RIT2: variants seen among roughly 807,000 people sequenced by gnomAD.
RIT2 encodes the protein GTP-binding protein Rit2.
Under a neutral mutation model 23.7 loss-of-function variants are expected in RIT2, and 24 were observed. That is an observed-to-expected ratio of 1.01 (90% CI 0.73 to 1.43). The LOEUF is 1.43. Among genes scored for constraint, RIT2 ranks in the 40% most tolerant of loss-of-function variants. The probability of loss-of-function intolerance (pLI) is 0.00; values close to 1 mark genes in which losing one functional copy is unlikely to be tolerated. For missense variants in RIT2, 236 were observed against 266.9 expected, an observed-to-expected ratio of 0.88 and a Z score of 0.81; for synonymous variants, 107 against 91.1, an observed-to-expected ratio of 1.17 and a Z score of -0.99.
intron 1 of RIT2, among the ~76,000 whole-genome samples, chr18:43,106,872 T>C (rs1226269103): frequency 6.6e-6 from 1 of 152,162 alleles, no homozygotes; most frequent in Non-Finnish European, 1.5e-5. Flanking sequence ...TGCTGAGCAA[T>C]GAGAAGGACA....
At chr18:42,804,576 A>T (rs1303989537) in intron 4 of RIT2, among the ~76,000 whole-genome samples, 2 of 149,754 alleles carry the variant, frequency 1.3e-5, no homozygotes, top group Non-Finnish European at 2.9e-5. Flanking sequence ...AAAAAAAAAA[A>T]AAAAAAAAAA....
intron 2 of RIT2, among the ~76,000 whole-genome samples, chr18:43,023,323 G>T (rs1375220560): frequency 6.6e-6 from 1 of 152,004 alleles, no homozygotes; most frequent in Non-Finnish European, 1.5e-5. Context: ...ATATCTCATT[G>T]TAAGTTAATA....
chr18:42,795,334 C>A (rs1040778369), intron 4 of RIT2, among the ~76,000 whole-genome samples: 2 of 152,196 alleles, frequency 1.3e-5, no homozygotes, highest in Admixed American at 6.5e-5. Flanking sequence ...GAACAGACGG[C>A]CGACCCTGCC....
intron 4 of RIT2, among the ~76,000 whole-genome samples, chr18:42,749,395 A>G (rs1912993650): frequency 6.6e-6 from 1 of 151,808 alleles, no homozygotes; most frequent in African/African-American, 2.4e-5. Flanking sequence ...TAATGATCAA[A>G]ATATTAACCA....
chr18:42,891,327 C>T (rs988945799), intron 4 of RIT2, among the ~76,000 whole-genome samples: 2 of 152,180 alleles, frequency 1.3e-5, no homozygotes, highest in African/African-American at 2.4e-5. Context: ...AGCCTTCCAT[C>T]TCCATATTTA....
At chr18:42,989,169 T>C (rs577863525) in intron 2 of RIT2, among the ~76,000 whole-genome samples, 34 of 152,298 alleles carry the variant, frequency 2.2e-4, no homozygotes, top group African/African-American at 7.2e-4. Flanking sequence ...ACTTTCTCTA[T>C]AGAAGGAGGA....
At chr18:43,107,393 T>TG (rs1403544808) in intron 1 of RIT2, among the ~76,000 whole-genome samples, 1 of 152,160 alleles carries the variant, frequency 6.6e-6, no homozygotes, top group Non-Finnish European at 1.5e-5. Flanking sequence ...TGGTCATATC[T>TG]GTGGGCTTTT....
At chr18:42,968,145 T>A (rs916415517) in intron 3 of RIT2, among the ~76,000 whole-genome samples, 2 of 152,150 alleles carry the variant, frequency 1.3e-5, no homozygotes, top group African/African-American at 4.8e-5. Context: ...TATTTTCTCG[T>A]CTTGTTCAGA....
chr18:42,970,167 T>C (rs934022416), intron 3 of RIT2, among the ~76,000 whole-genome samples: 1 of 152,054 alleles, frequency 6.6e-6, no homozygotes, highest in African/African-American at 2.4e-5. Flanking sequence ...TTTCCACGTA[T>C]GTAATGAGTA....
At position 43,061,075 on chromosome 18, in the gene RIT2, A is replaced by T. The variant is rs187711477; in HGVS notation, c.104-27208T>A. On this transcript the variant is annotated intron_variant, in intron 1 of 4. Coordinates refer to ENST00000326695, the MANE Select transcript of RIT2 (RefSeq NM_002930.4). The stretch of plus-strand genomic sequence containing the variant: ...ATTATATATAAAGAAACTGAGTCTC[A>T]TATATACTGTAAGGTAAGTAGTACA... Among the ~76,000 whole-genome samples the T allele has an allele frequency of 3.5e-4, 53 of 152,278 alleles. No homozygotes were observed. In the Middle Eastern group the frequency reaches 0.014, roughly 39 times the overall value.
chr18:42,748,360 G>A (rs1912968275), intron 4 of RIT2, among the ~76,000 whole-genome samples: 1 of 152,014 alleles, frequency 6.6e-6, no homozygotes, highest in Non-Finnish European at 1.5e-5. Flanking sequence ...GTAATGATCA[G>A]GGAAATACAA....
chr18:42,797,392 A>G (rs1270046755), intron 4 of RIT2, among the ~76,000 whole-genome samples: 2 of 152,184 alleles, frequency 1.3e-5, no homozygotes, highest in African/African-American at 2.4e-5. Flanking sequence ...TCTGGGCTCT[A>G]CAGCCAAAAT....
intron 1 of RIT2, among the ~76,000 whole-genome samples, chr18:43,087,753 ATTTC>A (rs1309580406): frequency 6.6e-6 from 1 of 152,008 alleles, no homozygotes; most frequent in African/African-American, 2.4e-5. Flanking sequence ...ATTGAACAAT[ATTTC>A]TTTTTCAACC....
intron 4 of RIT2, among the ~76,000 whole-genome samples, chr18:42,850,745 C>T (rs887280216): frequency 6.6e-6 from 1 of 152,074 alleles, no homozygotes. Flanking sequence ...GTTTTCTTAA[C>T]AATGGGGTTT....
chr18:42,909,059 G>A (rs1229829524), intron 4 of RIT2, among the ~76,000 whole-genome samples: 2 of 152,078 alleles, frequency 1.3e-5, no homozygotes, highest in African/African-American at 2.4e-5. Flanking sequence ...CAATTGCAAG[G>A]ATATGGAACC....
chr18:42,904,355 A>G (rs886446707), intron 4 of RIT2, among the ~76,000 whole-genome samples: 7 of 152,136 alleles, frequency 4.6e-5, no homozygotes, highest in African/African-American at 1.7e-4. Context: ...GATGCCGGCC[A>G]TGACACTGGA....
At chr18:42,859,262 G>A (rs1907264685) in intron 4 of RIT2, among the ~76,000 whole-genome samples, 1 of 152,190 alleles carries the variant, frequency 6.6e-6, no homozygotes, top group Non-Finnish European at 1.5e-5. Flanking sequence ...GGTGTGAACT[G>A]ATGTCTCGTG....
At chr18:43,077,093 A>T (rs1396783630) in intron 1 of RIT2, among the ~76,000 whole-genome samples, 1 of 122,138 alleles carries the variant, frequency 8.2e-6, no homozygotes, top group Non-Finnish European at 1.6e-5. Flanking sequence ...ACAGAGCGAG[A>T]CTCCGTCTCA....
intron 2 of RIT2, among the ~76,000 whole-genome samples, chr18:43,001,088 A>G (rs73477405): frequency 0.014 from 2,085 of 151,916 alleles, 57 homozygotes; most frequent in African/African-American, 0.048. Context: ...CATTTCTTTC[A>G]TTCATTCAAT....
Sources: gnomAD v4.1 joint callset for allele counts (sites outside exome capture counted in the v4.1 genomes callset) on GRCh38, gnomAD v4.1.1 for gene constraint, MANE v1.5 for transcripts, NCBI Gene and HGNC (gene_info 2026-07-23, HGNC 2026-07-21) for gene names.